REC114: variants seen among roughly 807,000 people sequenced by gnomAD.
The protein encoded by REC114 is REC114 meiotic recombination protein.
REC114 carries 27 observed loss-of-function variants against 31.3 expected under a neutral mutation model. The ratio of observed to expected loss-of-function variants is 0.86; its 90% CI spans 0.64 to 1.19. The LOEUF (loss-of-function observed/expected upper bound fraction) is 1.19, where lower values mean the gene tolerates loss of function less well. REC114 is among the 50% of genes most tolerant of loss of function. REC114 has a pLI of 0.00. For synonymous variants in REC114, 134 were observed against 127.7 expected, an observed-to-expected ratio of 1.05 and a Z score of -0.33; for missense variants, 344 against 326.9, an observed-to-expected ratio of 1.05 and a Z score of -0.40.
intron 1 of REC114, among the ~76,000 whole-genome samples, chr15:73,473,482 C>T (rs552569227): frequency 9.2e-5 from 14 of 152,136 alleles, no homozygotes; most frequent in African/African-American, 3.1e-4. Flanking sequence ...GGTGCTATCT[C>T]CATTTTACAG....
intron 2 of REC114, among the ~76,000 whole-genome samples, chr15:73,521,990 T>C (rs1366247867): frequency 1.3e-5 from 2 of 152,192 alleles, no homozygotes; most frequent in Non-Finnish European, 2.9e-5. Context: ...TTGGGTTTCT[T>C]TAAAGTATGC....
intron 2 of REC114, among the ~76,000 whole-genome samples, chr15:73,479,277 T>C (rs1893260553): frequency 6.6e-6 from 1 of 150,396 alleles, no homozygotes; most frequent in Non-Finnish European, 1.5e-5. Context: ...TTTTTCCCTT[T>C]GAGCTTCTGG....
rs186386527 is a variant in REC114, at chr15:73,469,637, C to T, written c.160-4195C>T. On this transcript the variant is annotated intron_variant, in intron 1 of 5. Transcript: ENST00000331090. Reference sequence around the variant, plus strand: ...TAGAGATCAAGTCTTGCCATGTTGCCCAGGCTGATCTCAAATTCCTGGCCT... The same window carrying T: ...TAGAGATCAAGTCTTGCCATGTTGCTCAGGCTGATCTCAAATTCCTGGCCT... Among the ~76,000 whole-genome samples the T allele has an allele frequency of 1.1e-4, 17 of 151,252 alleles. No individual in the cohort carries two copies. In the East Asian group the frequency reaches 3.3e-3, roughly 29 times the overall value.
At position 73,559,752 on chromosome 15, in the gene REC114, A is replaced by T; in HGVS notation, c.637A>T (p.Thr213Ser). ...GRTSLTQLAQ[T>S]LLASEELPHV... ...AACGACTTTTCTGGTATCCCTGCAG[A>T]CTCTTCTGGCATCGGAGGAGCTGCC... The change falls in exon 6 of 6, where the codon ACT becomes TCT. Residue 213 changes from threonine (T) to serine (S), a missense_variant and splice_region_variant. Coordinates refer to ENST00000331090, the MANE Select transcript of REC114 (RefSeq NM_001042367.2). 6.4e-7 allele frequency: 1 copy of T among 1,556,504 alleles called. No individual in the cohort carries two copies.
At chr15:73,506,840 A>G (rs1307865723) in intron 2 of REC114, among the ~76,000 whole-genome samples, 1 of 152,224 alleles carries the variant, frequency 6.6e-6, no homozygotes. Flanking sequence ...GGCCTTAGAA[A>G]GGATTTTTAA....
At chr15:73,506,321 C>T (rs1003394285) in intron 2 of REC114, among the ~76,000 whole-genome samples, 1 of 152,046 alleles carries the variant, frequency 6.6e-6, no homozygotes, top group African/African-American at 2.4e-5. Flanking sequence ...TGTCTTGGTT[C>T]TGCTTTTAAT....
chr15:73,480,281 A>AT (rs1176920316), intron 2 of REC114, among the ~76,000 whole-genome samples: 1 of 151,398 alleles, frequency 6.6e-6, no homozygotes, highest in African/African-American at 2.4e-5. Context: ...TTTTATTTTT[A>AT]TTTTTTTGAA....
intron 2 of REC114, among the ~76,000 whole-genome samples, chr15:73,493,299 G>A (rs185856456): frequency 6.6e-6 from 1 of 152,160 alleles, no homozygotes; most frequent in Non-Finnish European, 1.5e-5. Flanking sequence ...TGAAATCTCT[G>A]ACTGTTGCTT....
chr15:73,546,738 CG>C (rs1566949304), intron 3 of REC114, among the ~76,000 whole-genome samples: 1 of 148,962 alleles, frequency 6.7e-6, no homozygotes, highest in Non-Finnish European at 1.5e-5. Flanking sequence ...CGCTTGAACC[CG>C]GGAAGTGGAG....
intron 2 of REC114, among the ~76,000 whole-genome samples, chr15:73,500,147 C>T (rs1468492136): frequency 1.3e-5 from 2 of 152,020 alleles, no homozygotes; most frequent in African/African-American, 2.4e-5. Context: ...ATTAGAATGC[C>T]TGCAAATATA....
chr15:73,537,799 G>A lies in REC114; in HGVS notation c.250-2686G>A, dbSNP rs562306563. 3.9e-5 allele frequency among the ~76,000 whole-genome samples: 6 copies of A among 152,312 alleles called. No homozygotes were observed. In the South Asian group the frequency reaches 1.2e-3, roughly 32 times the overall value. ...AGCAATGTAAAAAGGCATAGAGAAA[G>A]CTTTTATTCCCACCCCTGCCACATC... On this transcript the variant is annotated intron_variant, in intron 2 of 5. Transcript: ENST00000331090.
At chr15:73,525,288 CTAGA>C (rs1470361650) in intron 2 of REC114, among the ~76,000 whole-genome samples, 5 of 152,146 alleles carry the variant, frequency 3.3e-5, no homozygotes, top group East Asian at 1.9e-4. Flanking sequence ...CTTGATCAAT[CTAGA>C]TAGAGATTAT....
chr15:73,480,608 CAT>C (rs112265165), intron 2 of REC114, among the ~76,000 whole-genome samples: 7,084 of 152,168 alleles, frequency 0.047, 267 homozygotes, highest in African/African-American at 0.11. Flanking sequence ...GCATTTATAA[CAT>C]GTGTAATTTT....
chr15:73,513,839 T>C (rs1893815395), intron 2 of REC114, among the ~76,000 whole-genome samples: 1 of 151,756 alleles, frequency 6.6e-6, no homozygotes, highest in Non-Finnish European at 1.5e-5. Context: ...GAACCACTGC[T>C]CTCTTCAAAG....
At chr15:73,444,819 T>C (rs145891441) in intron 1 of REC114, among the ~76,000 whole-genome samples, 172 of 152,330 alleles carry the variant, frequency 1.1e-3, no homozygotes, top group African/African-American at 4.1e-3. Context: ...TAAAATATAT[T>C]TCTTAAATAA....
At chr15:73,543,413 A>G (rs188762293) in intron 3 of REC114, among the ~76,000 whole-genome samples, 1 of 151,962 alleles carries the variant, frequency 6.6e-6, no homozygotes, top group Admixed American at 6.6e-5. Flanking sequence ...GCTCACTGCA[A>G]CCTCCTCCCG....
intron 2 of REC114, among the ~76,000 whole-genome samples, chr15:73,511,171 G>A (rs1463226868): frequency 2.0e-5 from 3 of 152,026 alleles, no homozygotes; most frequent in Admixed American, 2.0e-4. Flanking sequence ...TTTAGTCTTG[G>A]GAGAGTGTAT....
Position 73,540,618 on chromosome 15 carries a change from G to A in REC114, c.333+50G>A, listed in dbSNP as rs148510817. 1.1e-4 allele frequency: 172 copies of A among 1,498,546 alleles called. 2 individuals are homozygous for A. The African/African-American group carries it at 1.9e-3, about 16-fold the overall frequency. 92.8% of individuals were successfully genotyped at this position (1,498,546 alleles called of 1,614,324 possible). ...CTCTTCTCATCTTCTATGTGTGTAT[G>A]TTGGGGAGGTATTTGGGGGCATCTC... On this transcript the variant is annotated intron_variant, in intron 3 of 5. Coordinates refer to ENST00000331090, the MANE Select transcript of REC114 (RefSeq NM_001042367.2).
intron 1 of REC114, among the ~76,000 whole-genome samples, chr15:73,465,896 G>C (rs1346522777): frequency 6.6e-6 from 1 of 152,150 alleles, no homozygotes; most frequent in Non-Finnish European, 1.5e-5. Flanking sequence ...CTGTCACCCA[G>C]GCTGGAGTGC....
Sources: gnomAD v4.1 joint callset for allele counts (sites outside exome capture counted in the v4.1 genomes callset) on GRCh38, gnomAD v4.1.1 for gene constraint, MANE v1.5 for transcripts, NCBI Gene and HGNC (gene_info 2026-07-23, HGNC 2026-07-21) for gene names.